The following RBMS1 variants were observed in gnomAD, a reference collection of about 807,000 sequenced individuals.
RBMS1 encodes the protein RNA binding motif single stranded interacting protein 1, also known as RNA-binding motif, single-stranded-interacting protein 1.
Under a neutral mutation model 62.3 loss-of-function variants are expected in RBMS1, and 17 were observed. That is an observed-to-expected ratio of 0.27 (90% CI 0.19 to 0.41). The LOEUF is 0.41. Ranked by LOEUF, RBMS1 falls within the 10% of genes least tolerant of loss-of-function variation. The pLI is 1.00. For missense variants in RBMS1, 334 were observed against 504.5 expected (o/e 0.66, Z 3.24); for synonymous variants, 172 against 170.0 (o/e 1.01, Z -0.09).
At chr2:160,421,184 T>C (rs1179256465) in intron 1 of RBMS1, among the ~76,000 whole-genome samples, 1 of 152,034 alleles carries the variant, frequency 6.6e-6, no homozygotes, top group Non-Finnish European at 1.5e-5. Flanking sequence ...CTAGGGTACA[T>C]GTGTACAACG....
chr2:160,311,232 C>CTATATATATA lies in RBMS1; in HGVS notation c.402+1914_402+1923dup, dbSNP rs10530445. ...AAAATCTATCTATCTATCTATCTAT[C>CTATATATATA]TATATATATATATATATATATATAT... On this transcript the variant is annotated intron_variant, in intron 4 of 13. Transcript: ENST00000348849. Among the ~76,000 whole-genome samples the CTATATATATA allele has an allele frequency of 2.1e-3, 163 of 79,230 alleles. 1 individual carries two copies. Among genetic ancestry groups the CTATATATATA allele is most frequent in the Middle Eastern group, 7.6e-3 (1 of 132 alleles). 52.0% of individuals were successfully genotyped at this position (79,230 alleles called of 152,430 possible). A position where few individuals can be genotyped will look rare whatever the true frequency, so the allele number is the denominator to read the frequency against.
At chr2:160,375,046 C>T (rs1417769496) in intron 1 of RBMS1, among the ~76,000 whole-genome samples, 1 of 152,118 alleles carries the variant, frequency 6.6e-6, no homozygotes. Flanking sequence ...CAGGTCTTCA[C>T]GTGTGAAATA....
At chr2:160,481,349 T>C (rs1164859756) in intron 1 of RBMS1, among the ~76,000 whole-genome samples, 2 of 114,924 alleles carry the variant, frequency 1.7e-5, no homozygotes, top group Non-Finnish European at 1.8e-5. Flanking sequence ...CAGCTTCTAG[T>C]AGGAAATGTA....
intron 2 of RBMS1, among the ~76,000 whole-genome samples, chr2:160,332,534 C>T (rs1318034063): frequency 6.6e-6 from 1 of 152,208 alleles, no homozygotes; most frequent in Non-Finnish European, 1.5e-5. Flanking sequence ...ATGATGCCTC[C>T]TCACACTTCC....
Position 160,449,535 on chromosome 2 carries a change from C to G in RBMS1, c.75+43754G>C, listed in dbSNP as rs373122469. On this transcript the variant is annotated intron_variant, in intron 1 of 13. Coordinates refer to ENST00000348849, the MANE Select transcript of RBMS1 (RefSeq NM_016836.4). ...TAATCTATAACCTTACCCCCAACCC[C>G]GTGCTCTCTGAAACATGTGCTGTGT... 2.0e-5 allele frequency among the ~76,000 whole-genome samples: 3 copies of G among 152,262 alleles called. No homozygotes were observed. In the South Asian group the frequency reaches 6.2e-4, roughly 32 times the overall value.
At chr2:160,333,064 C>T (rs978650010) in intron 2 of RBMS1, among the ~76,000 whole-genome samples, 13 of 151,870 alleles carry the variant, frequency 8.6e-5, no homozygotes, top group African/African-American at 3.1e-4. Context: ...GGATTCAAGA[C>T]GTAAGGCAAC....
At chr2:160,384,835 A>T (rs1694483583) in intron 1 of RBMS1, among the ~76,000 whole-genome samples, 1 of 152,196 alleles carries the variant, frequency 6.6e-6, no homozygotes, top group African/African-American at 2.4e-5. Flanking sequence ...TCCAAATCTC[A>T]CACTGAAATG....
At chr2:160,486,643 CA>C (rs1184236706) in intron 1 of RBMS1, among the ~76,000 whole-genome samples, 1 of 152,116 alleles carries the variant, frequency 6.6e-6, no homozygotes, top group Non-Finnish European at 1.5e-5. Context: ...CACTTGGATC[CA>C]GTTGCAGAGG....
At chr2:160,419,621 T>C (rs1574034762) in intron 1 of RBMS1, among the ~76,000 whole-genome samples, 1 of 152,338 alleles carries the variant, frequency 6.6e-6, no homozygotes, top group East Asian at 1.9e-4. Context: ...TTCAAGTATT[T>C]TTAGTGGATG....
At chr2:160,359,593 T>A (rs565493716) in intron 2 of RBMS1, among the ~76,000 whole-genome samples, 1 of 152,314 alleles carries the variant, frequency 6.6e-6, no homozygotes, top group South Asian at 2.1e-4. Flanking sequence ...CCAAAGGATT[T>A]CCTATTTACA....
chr2:160,304,452 G>T (rs929281019), intron 4 of RBMS1, among the ~76,000 whole-genome samples: 1 of 152,092 alleles, frequency 6.6e-6, no homozygotes, highest in Non-Finnish European at 1.5e-5. Context: ...AAGTAACACC[G>T]ACACTCCAGG....
chr2:160,350,932 G>A (rs951621030), intron 2 of RBMS1, among the ~76,000 whole-genome samples: 6 of 152,116 alleles, frequency 3.9e-5, no homozygotes, highest in African/African-American at 1.4e-4. Context: ...TCGCCACACT[G>A]TCTTCCACAA....
At chr2:160,384,183 C>A (rs1012981713) in intron 1 of RBMS1, among the ~76,000 whole-genome samples, 1 of 151,884 alleles carries the variant, frequency 6.6e-6, no homozygotes, top group Non-Finnish European at 1.5e-5. Flanking sequence ...GGCGAGGGAG[C>A]GAGACTCTGT....
At chr2:160,488,776 A>T (rs1370724713) in intron 1 of RBMS1, among the ~76,000 whole-genome samples, 1 of 152,186 alleles carries the variant, frequency 6.6e-6, no homozygotes, top group African/African-American at 2.4e-5. Flanking sequence ...CTTCCACTTG[A>T]GAGTAACTTG....
intron 2 of RBMS1, among the ~76,000 whole-genome samples, chr2:160,357,259 C>T (rs1344517564): frequency 2.6e-5 from 4 of 152,054 alleles, no homozygotes; most frequent in African/African-American, 7.2e-5. Context: ...TTTCCAGTGC[C>T]GGCTCCCCAA....
At chr2:160,367,926 G>T (rs1332275382) in intron 1 of RBMS1, among the ~76,000 whole-genome samples, 3 of 152,102 alleles carry the variant, frequency 2.0e-5, no homozygotes, top group Non-Finnish European at 2.9e-5. Context: ...GAGACATCTG[G>T]GTAAGATTCC....
intron 1 of RBMS1, among the ~76,000 whole-genome samples, chr2:160,383,168 G>A (rs1057175111): frequency 3.9e-5 from 6 of 152,174 alleles, no homozygotes; most frequent in African/African-American, 1.4e-4. Context: ...TGCAATTAGG[G>A]TGTTAGCAGG....
At chr2:160,342,286 A>G (rs185128784) in intron 2 of RBMS1, among the ~76,000 whole-genome samples, 1 of 152,288 alleles carries the variant, frequency 6.6e-6, no homozygotes, top group Admixed American at 6.5e-5. Context: ...AAAATAAGAA[A>G]AGCTTATTTT....
chr2:160,429,114 T>C (rs1682777101), intron 1 of RBMS1, among the ~76,000 whole-genome samples: 1 of 152,256 alleles, frequency 6.6e-6, no homozygotes, highest in African/African-American at 2.4e-5. Context: ...ATTTACTTTT[T>C]AGCCAGGGAA....
Sources: gnomAD v4.1 joint callset for allele counts (sites outside exome capture counted in the v4.1 genomes callset) on GRCh38, gnomAD v4.1.1 for gene constraint, MANE v1.5 for transcripts, NCBI Gene and HGNC (gene_info 2026-07-23, HGNC 2026-07-21) for gene names.